UVRAG: variants seen among roughly 807,000 people sequenced by gnomAD.
The protein encoded by UVRAG is UV radiation resistance-associated gene protein.
Under a neutral mutation model 78.0 loss-of-function variants are expected in UVRAG, and 19 were observed. The observed-to-expected ratio is 0.24, with a 90% CI of 0.17 to 0.36. The LOEUF is 0.36. Ranked by LOEUF, UVRAG falls within the 10% of genes least tolerant of loss-of-function variation. The probability of loss-of-function intolerance (pLI) is 1.00; values close to 1 mark genes in which losing one functional copy is unlikely to be tolerated. For synonymous variants in UVRAG, 323 were observed against 324.6 expected, an observed-to-expected ratio of 1.00 and a Z score of 0.05; for missense variants, 740 against 853.8, an observed-to-expected ratio of 0.87 and a Z score of 1.66.
At chr11:75,854,190 G>T (rs900690531) in intron 2 of UVRAG, among the ~76,000 whole-genome samples, 12 of 152,230 alleles carry the variant, frequency 7.9e-5, no homozygotes, top group African/African-American at 2.7e-4. Context: ...TAAGTCCAGT[G>T]TAGGTGTTCT....
intron 8 of UVRAG, among the ~76,000 whole-genome samples, chr11:75,990,766 T>C (rs1298413576): frequency 1.3e-5 from 2 of 152,218 alleles, no homozygotes; most frequent in Non-Finnish European, 2.9e-5. Context: ...CCTATATTTT[T>C]CCATGATAGC....
intron 13 of UVRAG, among the ~76,000 whole-genome samples, chr11:76,102,595 C>T (rs961588351): frequency 1.3e-5 from 2 of 152,078 alleles, no homozygotes; most frequent in African/African-American, 4.8e-5. Flanking sequence ...GCCAGGACTT[C>T]CAATACTATG....
chr11:76,014,974 A>G (rs143263148), intron 11 of UVRAG, among the ~76,000 whole-genome samples: 1 of 152,332 alleles, frequency 6.6e-6, no homozygotes, highest in East Asian at 1.9e-4. Flanking sequence ...GATTCTAGTT[A>G]GTTAGAGCAT....
intron 12 of UVRAG, among the ~76,000 whole-genome samples, chr11:76,038,757 A>T (rs772324225): frequency 2.0e-5 from 3 of 152,210 alleles, no homozygotes; most frequent in Non-Finnish European, 4.4e-5. Context: ...CTAGCCCACA[A>T]GAAAGCAAAC....
chr11:75,979,842 G>C (rs1299464993), intron 7 of UVRAG: 1 of 152,250 alleles, frequency 6.6e-6, no homozygotes, highest in South Asian at 2.1e-4. Flanking sequence ...TGCTTCCCTG[G>C]TGAGGCGATG....
intron 6 of UVRAG, among the ~76,000 whole-genome samples, chr11:75,938,767 C>G (rs1406499258): frequency 6.6e-6 from 1 of 152,278 alleles, no homozygotes; most frequent in East Asian, 1.9e-4. Flanking sequence ...AGATGATTCA[C>G]TGATCAGTAC....
chr11:75,828,805 A>ATATATATTTT (rs1478310271), intron 1 of UVRAG, among the ~76,000 whole-genome samples: 1 of 100,276 alleles, frequency 1.0e-5, no homozygotes, highest in African/African-American at 4.0e-5. Flanking sequence ...ATATATATAT[A>ATATATATTTT]TTTTTTTTTT....
At chr11:75,980,517 A>T (rs1949367413) in intron 7 of UVRAG, among the ~76,000 whole-genome samples, 1 of 152,142 alleles carries the variant, frequency 6.6e-6, no homozygotes, top group African/African-American at 2.4e-5. Flanking sequence ...ATTGTCTTTC[A>T]AAGAATTGGT....
chr11:75,974,161 G>T (rs946655904), intron 7 of UVRAG, among the ~76,000 whole-genome samples: 4 of 152,108 alleles, frequency 2.6e-5, no homozygotes, highest in Non-Finnish European at 4.4e-5. Context: ...CTAGTTTACA[G>T]TCCCACCAAC....
intron 2 of UVRAG, among the ~76,000 whole-genome samples, chr11:75,853,756 A>G (rs1946215528): frequency 6.9e-6 from 1 of 144,670 alleles, no homozygotes; most frequent in Non-Finnish European, 1.5e-5. Flanking sequence ...TTATTTATTT[A>G]TTTGTTTATT....
Position 76,051,086 on chromosome 11 carries a change from C to G in UVRAG, c.1227-14624C>G, listed in dbSNP as rs577010101. On this transcript the variant is annotated intron_variant, in intron 12 of 14. Coordinates refer to ENST00000356136, the MANE Select transcript of UVRAG (RefSeq NM_003369.4). Reference sequence around the variant, plus strand: ...TTATAGACAATATAGAATTAGGTGTCCTGATACGTTTAAGCAAATCAATAT... The same window carrying G: ...TTATAGACAATATAGAATTAGGTGTGCTGATACGTTTAAGCAAATCAATAT... Among the ~76,000 whole-genome samples, 3 of 152,258 alleles carry G rather than the reference C, an allele frequency of 2.0e-5. No homozygotes were observed. In the East Asian group the frequency reaches 5.8e-4, roughly 29 times the overall value.
intron 8 of UVRAG, among the ~76,000 whole-genome samples, chr11:76,003,784 C>T (rs1362486291): frequency 1.3e-5 from 2 of 152,072 alleles, no homozygotes; most frequent in Admixed American, 6.5e-5. Flanking sequence ...GAGTCTTAGG[C>T]GTATACTCTT....
At chr11:75,827,909 CGTT>C (rs1450920878) in intron 1 of UVRAG, among the ~76,000 whole-genome samples, 3 of 149,866 alleles carry the variant, frequency 2.0e-5, no homozygotes, top group Admixed American at 6.6e-5. Flanking sequence ...TTTTTTTTAA[CGTT>C]GTCTCCTTTT....
intron 6 of UVRAG, chr11:75,930,967 C>CTTTCTTTCTTTCTT (rs1948226813): frequency 6.7e-6 from 1 of 150,230 alleles, no homozygotes; most frequent in Non-Finnish European, 1.5e-5. Context: ...TTCTTTCTTT[C>CTTTCTTTCTTTCTT]TTTCTTTCTT....
chr11:76,008,842 G>A lies in UVRAG; in HGVS notation c.1035G>A (p.Lys345=). 6.7e-7 allele frequency: 1 copy of A among 1,495,718 alleles called. No homozygotes were observed. Among genetic ancestry groups the A allele is most frequent in the Non-Finnish European group, 9.0e-7 (1 of 1,108,760 alleles). 92.7% of individuals were successfully genotyped at this position (1,495,718 alleles called of 1,614,324 possible). A position where few individuals can be genotyped will look rare whatever the true frequency, so the allele number is the denominator to read the frequency against. ...EHKDYFVCGV[K]LPNSEDFQAK... is the part of the protein sequence containing the mutation. ...AGGATTACTTTGTATGCGGTGTCAAGTTGCCTAATTCTGAGGACTTCCAAG... is the reference window on the plus strand; with the variant it reads ...AGGATTACTTTGTATGCGGTGTCAAATTGCCTAATTCTGAGGACTTCCAAG... Residue 345 remains lysine, a synonymous_variant, in exon 11 of 15, where the codon AAG becomes AAA. Coordinates refer to ENST00000356136, the MANE Select transcript of UVRAG (RefSeq NM_003369.4).
chr11:75,975,297 T>C (rs541427263), intron 7 of UVRAG, among the ~76,000 whole-genome samples: 13 of 152,292 alleles, frequency 8.5e-5, no homozygotes, highest in African/African-American at 3.1e-4. Flanking sequence ...AGTCAGGTAT[T>C]GTGATGCCTC....
In UVRAG at chr11:76,004,095, T is replaced by C; in HGVS notation, c.911+6T>C. 1 of 1,613,558 alleles carries C rather than the reference T, an allele frequency of 6.2e-7. No individual in the cohort carries two copies. Among genetic ancestry groups the C allele is most frequent in the South Asian group, 1.1e-5 (1 of 91,054 alleles). On this transcript the variant is annotated splice_donor_region_variant and intron_variant, in intron 9 of 14. Coordinates refer to ENST00000356136, the MANE Select transcript of UVRAG (RefSeq NM_003369.4). ...AAGGAGTGCACTGCAAAAAGGTAAATGCACACTGAGAAGAATTGCTGTGAG... is the reference window on the plus strand; with the variant it reads ...AAGGAGTGCACTGCAAAAAGGTAAACGCACACTGAGAAGAATTGCTGTGAG...
Position 75,908,712 on chromosome 11 carries a change from C to CTTTTT in UVRAG, c.508-3219_508-3215dup, listed in dbSNP as rs1024795820. On this transcript the variant is annotated intron_variant, in intron 5 of 14. Transcript: ENST00000356136. ...ACCAGTCAAATAATCTGGTTCTGGG[C>CTTTTT]TTTTTTTTTTTTTTTTTTTTTTTTT... Among the ~76,000 whole-genome samples, 78 of 45,452 alleles carry CTTTTT rather than the reference C, an allele frequency of 1.7e-3. 12 individuals carry two copies. Among genetic ancestry groups the CTTTTT allele is most frequent in the African/African-American group, 6.3e-3 (73 of 11,592 alleles). 29.8% of individuals were successfully genotyped at this position (45,452 alleles called of 152,430 possible). A position where few individuals can be genotyped will look rare whatever the true frequency, so the allele number is the denominator to read the frequency against.
chr11:76,001,337 T>C (rs1457048907), intron 8 of UVRAG, among the ~76,000 whole-genome samples: 1 of 152,200 alleles, frequency 6.6e-6, no homozygotes, highest in Non-Finnish European at 1.5e-5. Flanking sequence ...TAGCATTTCA[T>C]GCCAATATTA....
Sources: gnomAD v4.1 joint callset for allele counts (sites outside exome capture counted in the v4.1 genomes callset) on GRCh38, gnomAD v4.1.1 for gene constraint, MANE v1.5 for transcripts, NCBI Gene and HGNC (gene_info 2026-07-23, HGNC 2026-07-21) for gene names.